SHISA9: variants seen among roughly 807,000 people sequenced by gnomAD.
The protein encoded by SHISA9 is shisa family member 9.
SHISA9 carries 13 observed loss-of-function variants against 38.0 expected under a neutral mutation model. That is an observed-to-expected ratio of 0.34 (90% CI 0.22 to 0.54). The LOEUF (loss-of-function observed/expected upper bound fraction) is 0.54, where lower values mean the gene tolerates loss of function less well. Among genes scored for constraint, SHISA9 ranks in the 20% least tolerant of loss-of-function variants. SHISA9 has a pLI of 0.91. For missense variants in SHISA9, 538 were observed against 575.8 expected (o/e 0.93, Z 0.67); for synonymous variants, 275 against 242.0 (o/e 1.14, Z -1.27).
chr16:13,193,850 CA>C, intron 2 of SHISA9, among the ~76,000 whole-genome samples: 1 of 152,298 alleles, frequency 6.6e-6, no homozygotes, highest in Non-Finnish European at 1.5e-5. Context: ...GAGTGCCAAC[CA>C]GGCAACCTTT....
At chr16:13,470,343 A>G in the SHISA9 span, among the ~76,000 whole-genome samples, 4 of 152,144 alleles carry the variant, frequency 2.6e-5, no homozygotes, top group African/African-American at 7.2e-5. Flanking sequence ...TTAATGTATG[A>G]GGAGTGTATT....
intron 2 of SHISA9, among the ~76,000 whole-genome samples, chr16:13,103,222 TC>T (rs1361336218): frequency 1.3e-5 from 2 of 152,160 alleles, no homozygotes; most frequent in African/African-American, 4.8e-5. Context: ...AAAACACTCT[TC>T]CGGAACTTCA....
chr16:13,290,863 T>C, the SHISA9 span, among the ~76,000 whole-genome samples: 27 of 152,298 alleles, frequency 1.8e-4, no homozygotes, highest in Non-Finnish European at 2.8e-4. Flanking sequence ...TTCATTTTAC[T>C]CGCTTATAAA....
intron 1 of SHISA9, among the ~76,000 whole-genome samples, chr16:12,913,125 G>A (rs2071208347): frequency 2.0e-5 from 3 of 152,180 alleles, no homozygotes; most frequent in African/African-American, 2.4e-5. Context: ...AAAAAGTATA[G>A]TGTGCGATTC....
At chr16:12,949,650 G>A (rs953216305) in intron 2 of SHISA9, among the ~76,000 whole-genome samples, 4 of 152,242 alleles carry the variant, frequency 2.6e-5, no homozygotes, top group Non-Finnish European at 4.4e-5. Context: ...CATGTCTAAT[G>A]TGATAATATT....
intron 2 of SHISA9, among the ~76,000 whole-genome samples, chr16:13,136,518 C>A (rs943464280): frequency 2.0e-5 from 3 of 150,926 alleles, no homozygotes; most frequent in African/African-American, 7.3e-5. Flanking sequence ...CCTGCCTCAG[C>A]CTCCTGACTA....
the SHISA9 span, among the ~76,000 whole-genome samples, chr16:13,356,786 GA>G: frequency 6.6e-6 from 1 of 152,162 alleles, no homozygotes; most frequent in Non-Finnish European, 1.5e-5. Flanking sequence ...ATGTGTAAAA[GA>G]ATGCCTGGAC....
chr16:13,181,418 G>C (rs994295344), intron 2 of SHISA9, among the ~76,000 whole-genome samples: 1 of 151,210 alleles, frequency 6.6e-6, no homozygotes, highest in African/African-American at 2.4e-5. Context: ...GTGTATGAAG[G>C]CTGTGAGGGG....
chr16:13,392,984 G>C, the SHISA9 span, among the ~76,000 whole-genome samples: 1 of 152,200 alleles, frequency 6.6e-6, no homozygotes, highest in African/African-American at 2.4e-5. Flanking sequence ...ACAGGTCGTG[G>C]TACCTTGTTA....
chr16:13,326,807 G>T, the SHISA9 span, among the ~76,000 whole-genome samples: 2 of 152,142 alleles, frequency 1.3e-5, no homozygotes, highest in Non-Finnish European at 1.5e-5. Context: ...TATGTATTCT[G>T]GTGGTGTGAA....
chr16:12,904,790 A>T (rs1344884512), intron 1 of SHISA9, among the ~76,000 whole-genome samples: 2 of 152,164 alleles, frequency 1.3e-5, no homozygotes, highest in Non-Finnish European at 2.9e-5. Flanking sequence ...AGAATGTTTT[A>T]TAAAAAAAAT....
At chr16:13,341,331 G>A in the SHISA9 span, among the ~76,000 whole-genome samples, 1 of 152,070 alleles carries the variant, frequency 6.6e-6, no homozygotes, top group Admixed American at 6.6e-5. Flanking sequence ...TTCAATAAAA[G>A]ACCCTCAACA....
At chr16:13,545,248 G>A in the SHISA9 span, among the ~76,000 whole-genome samples, 141 of 152,262 alleles carry the variant, frequency 9.3e-4, 1 homozygote, top group Non-Finnish European at 1.5e-3. Flanking sequence ...TTCTATTCAA[G>A]GTCTTTTTGA....
intron 2 of SHISA9, among the ~76,000 whole-genome samples, chr16:12,947,209 C>T (rs2071699922): frequency 6.6e-6 from 1 of 152,118 alleles, no homozygotes; most frequent in East Asian, 1.9e-4. Flanking sequence ...AATGCAGGTA[C>T]AGGAGAAGCA....
intron 2 of SHISA9, among the ~76,000 whole-genome samples, chr16:13,127,882 G>T (rs148756902): frequency 3.9e-5 from 6 of 152,284 alleles, no homozygotes; most frequent in South Asian, 2.1e-4. Context: ...ACAGGGAGAG[G>T]CCTGGACTGC....
intron 2 of SHISA9, among the ~76,000 whole-genome samples, chr16:12,939,016 G>A (rs910924146): frequency 2.0e-5 from 3 of 152,042 alleles, no homozygotes; most frequent in Non-Finnish European, 4.4e-5. Flanking sequence ...TGTTTTGGGG[G>A]AAAAACTCCA....
At chr16:12,953,080 G>GCCTTCTATTCCTT (rs2071780808) in intron 2 of SHISA9, among the ~76,000 whole-genome samples, 1 of 151,924 alleles carries the variant, frequency 6.6e-6, no homozygotes. Flanking sequence ...AAGGACAAAG[G>GCCTTCTATTCCTT]AATAGAAGGT....
chr16:13,402,979 G>A, the SHISA9 span, among the ~76,000 whole-genome samples: 6 of 152,262 alleles, frequency 3.9e-5, no homozygotes, highest in South Asian at 2.1e-4. Flanking sequence ...TTAGCTAGGT[G>A]TGGTGGCGTG....
At chr16:13,157,908 T>A (rs2142010002) in intron 2 of SHISA9, among the ~76,000 whole-genome samples, 1 of 152,274 alleles carries the variant, frequency 6.6e-6, no homozygotes, top group East Asian at 1.9e-4. Flanking sequence ...CTCAGCTCCA[T>A]TTGTTTGTTT....
Sources: gnomAD v4.1 joint callset for allele counts (sites outside exome capture counted in the v4.1 genomes callset) on GRCh38, gnomAD v4.1.1 for gene constraint, MANE v1.5 for transcripts, NCBI Gene and HGNC (gene_info 2026-07-23, HGNC 2026-07-21) for gene names.